Variants in RAP1GAP observed in about 807,000 individuals in gnomAD.
RAP1GAP encodes the protein rap1 GTPase-activating protein 1.
In RAP1GAP, 35 loss-of-function variants were observed where a neutral mutation model predicts 87.2. That is an observed-to-expected ratio of 0.40 (90% CI 0.31 to 0.53). The LOEUF (loss-of-function observed/expected upper bound fraction) is 0.53, where lower values mean the gene tolerates loss of function less well. Ranked by LOEUF, RAP1GAP falls within the 20% of genes least tolerant of loss-of-function variation. The probability of loss-of-function intolerance (pLI) is 0.48; values close to 1 mark genes in which losing one functional copy is unlikely to be tolerated. For synonymous variants in RAP1GAP, 375 were observed against 363.9 expected (o/e 1.03, Z -0.35); for missense variants, 734 against 898.9 (o/e 0.82, Z 2.35).
intron 1 of RAP1GAP, among the ~76,000 whole-genome samples, chr1:21,666,816 G>A (rs1174261166): frequency 1.3e-5 from 2 of 152,116 alleles, no homozygotes; most frequent in East Asian, 1.9e-4. Flanking sequence ...CTGCATGCGC[G>A]TGTACCATGT....
chr1:21,606,182 G>T lies in RAP1GAP; in HGVS notation c.1312C>A (p.Arg438Ser). 6.3e-7 allele frequency: 1 copy of T among 1,583,006 alleles called. No individual in the cohort carries two copies. The highest frequency in any genetic ancestry group is 8.6e-7 in the Non-Finnish European group (1 of 1,165,376). ...CCCATGGCATCCATGGACTGGCTGC[G>T]GCTCCGGATGACCCGCTGTGAAGGG... The part of the protein sequence containing the change: ...FESFKRVIRS[R>S]SQSMDAMGLS... Residue 438 changes from arginine (R) to serine (S), a missense_variant, in exon 18 of 25, where the codon CGC becomes AGC. Physicochemically the swap from Arg to Ser is moderately radical, Grantham distance 110. Coordinates refer to ENST00000374765, the MANE Select transcript of RAP1GAP (RefSeq NM_002885.4).
rs758714557 is a variant in RAP1GAP at position 21,603,114 on chromosome 1, C to T, written c.1429-201G>A. 30 of 564,650 alleles carry T rather than the reference C, an allele frequency of 5.3e-5. No individual in the cohort carries two copies. Among genetic ancestry groups the T allele is most frequent in the South Asian group, 4.9e-4 (22 of 45,134 alleles). 35.0% of individuals were successfully genotyped at this position (564,650 alleles called of 1,614,324 possible). On this transcript the variant is annotated intron_variant, in intron 18 of 24. Coordinates refer to ENST00000374765, the MANE Select transcript of RAP1GAP (RefSeq NM_002885.4). The surrounding 1 kb of genome is among the most constrained non-coding windows in gnomAD (Gnocchi z 6.0). ...TCCCCAGGAGGGCAAGGGGCTCTCC[C>T]GAGCTCACACGGCAGGACTGCACGT...
At chr1:21,612,725 C>A (rs1054214009) in intron 10 of RAP1GAP, among the ~76,000 whole-genome samples, 1 of 152,330 alleles carries the variant, frequency 6.6e-6, no homozygotes, top group Middle Eastern at 3.4e-3. Context: ...GGCAGAAGCC[C>A]GTGCCCCTAT....
rs1353575855 is a variant in RAP1GAP, at chr1:21,598,451, T to A, written c.1828A>T (p.Ser610Cys). The A allele has an allele frequency of 1.9e-6, 3 of 1,613,788 alleles. No homozygotes were observed. The highest frequency in any genetic ancestry group is 1.3e-5 in the African/African-American group (1 of 74,866). Residue 610 changes from serine (S) to cysteine (C), a missense_variant, in exon 22 of 25, where the codon AGC becomes TGC. Transcript: ENST00000374765. ...CTGACACTGTCCTCCAGCCACGTGC[T>A]ATAGATGAAGGAGTCCCGCTTGTGG... The part of the protein sequence containing the change: ...TPHKRDSFIY[S>C]TWLEDSVSTT...
At chr1:21,636,034 A>G (rs143965093) in intron 2 of RAP1GAP, among the ~76,000 whole-genome samples, 55 of 152,358 alleles carry the variant, frequency 3.6e-4, no homozygotes, top group African/African-American at 1.2e-3. Context: ...TCTGAGCCTC[A>G]GTTTCCTCAG....
At chr1:21,625,339 TA>T (rs1325526481) in intron 3 of RAP1GAP, among the ~76,000 whole-genome samples, 6 of 152,190 alleles carry the variant, frequency 3.9e-5, no homozygotes, top group African/African-American at 1.4e-4. Context: ...CTCAACTAGA[TA>T]ATGCCTACTA....
Position 21,663,902 on chromosome 1 carries a change from G to A in RAP1GAP, c.-149+5352C>T, listed in dbSNP as rs181580997. The stretch of plus-strand genomic sequence containing the variant: ...CAGGGGAGTCTGAGGAACAGGTACT[G>A]TAGTTTCAAGAAATACTGCAATTCC... On this transcript the variant is annotated intron_variant, in intron 1 of 24. Transcript: ENST00000374765. Among the ~76,000 whole-genome samples the A allele has an allele frequency of 1.6e-3, 250 of 152,334 alleles. 1 individual carries two copies. The highest frequency in any genetic ancestry group is 5.7e-3 in the African/African-American group (236 of 41,570).
intron 21 of RAP1GAP, among the ~76,000 whole-genome samples, chr1:21,598,973 T>C (rs1308445193): frequency 6.6e-6 from 1 of 152,224 alleles, no homozygotes; most frequent in Non-Finnish European, 1.5e-5. Context: ...TGATAAAGGG[T>C]GTTCCGGGCA....
Position 21,669,155 on chromosome 1 carries a change from G to C in RAP1GAP, c.-149+99C>G. On this transcript the variant is annotated intron_variant, in intron 1 of 24. Coordinates refer to ENST00000374765, the MANE Select transcript of RAP1GAP (RefSeq NM_002885.4). The surrounding 1 kb of genome is among the most constrained non-coding windows in gnomAD (Gnocchi z 5.6). ...GCGTTCGCCCCCACCCTCCGTCCCC[G>C]CCCGCCCGCGCGGGGTCTTCGCTGC... is the stretch of plus-strand genomic sequence containing the variant. The C allele has an allele frequency of 8.5e-7, 1 of 1,170,426 alleles. No homozygotes were observed. Among genetic ancestry groups the C allele is most frequent in the Non-Finnish European group, 1.1e-6 (1 of 930,230 alleles). The allele number at this position is 1,170,426 out of a possible 1,614,324, so 72.5% of individuals were successfully genotyped here.
chr1:21,597,876 C>G, intron 23 of RAP1GAP, 85 bp downstream of exon 23: 4 of 1,496,856 alleles, frequency 2.7e-6, no homozygotes, highest in South Asian at 2.5e-5. Flanking sequence ...ACCTCTTGGT[C>G]GAGCCTCAGC....
rs2080206509 is a variant in RAP1GAP at position 21,613,976 on chromosome 1, C to T, written c.395+10G>A. The T allele has an allele frequency of 6.3e-7, 1 of 1,583,110 alleles. No individual in the cohort carries two copies. Among genetic ancestry groups the T allele is most frequent in the Non-Finnish European group, 8.7e-7 (1 of 1,155,378 alleles). ...TTCCTGCCATCTCAGGACTCCCCCA[C>T]CACCCTCACCTGAGCAGCAGCCGCA... is the stretch of plus-strand genomic sequence containing the variant. On this transcript the variant is annotated intron_variant, in intron 8 of 24. Coordinates refer to ENST00000374765, the MANE Select transcript of RAP1GAP (RefSeq NM_002885.4). This position sits in a 1 kb window ranked among gnomAD's most constrained non-coding sequence, Gnocchi z 4.7.
chr1:21,643,873 G>T (rs1388533954), intron 2 of RAP1GAP, among the ~76,000 whole-genome samples: 1 of 152,188 alleles, frequency 6.6e-6, no homozygotes, highest in Non-Finnish European at 1.5e-5. Flanking sequence ...TTGAACTCAG[G>T]TCTACCTAAC....
chr1:21,669,132 G>T lies in RAP1GAP; in HGVS notation c.-149+122C>A. On this transcript the variant is annotated intron_variant, in intron 1 of 24. Transcript: ENST00000374765. The surrounding 1 kb of genome is among the most constrained non-coding windows in gnomAD (Gnocchi z 5.6). Reference sequence around the variant, plus strand: ...CCCTGGAGACCCGGGTCCCCCACGCGTTCGCCCCCACCCTCCGTCCCCGCC... The same window carrying T: ...CCCTGGAGACCCGGGTCCCCCACGCTTTCGCCCCCACCCTCCGTCCCCGCC... 1 of 1,081,834 alleles carries T rather than the reference G, an allele frequency of 9.2e-7. No individual in the cohort carries two copies. Among genetic ancestry groups the T allele is most frequent in the Non-Finnish European group, 1.2e-6 (1 of 861,400 alleles). 67.0% of individuals were successfully genotyped at this position (1,081,834 alleles called of 1,614,324 possible).
At chr1:21,612,592 T>A (rs2079087128) in intron 10 of RAP1GAP, among the ~76,000 whole-genome samples, 1 of 152,130 alleles carries the variant, frequency 6.6e-6, no homozygotes, top group Admixed American at 6.5e-5. Context: ...GGGCCCTGAT[T>A]TCTGAAGCCC....
rs550807596 is a variant in RAP1GAP, at chr1:21,611,533, A to G, written c.762T>C (p.Ser254=). 4.6e-5 allele frequency: 75 copies of G among 1,614,170 alleles called. No homozygotes were observed. Among genetic ancestry groups the G allele is most frequent in the Admixed American group, 2.3e-4 (14 of 60,030 alleles). ...DVTHGQTGTE[S]VYCNFRNKEI... ...CCTTGTTGCGGAAGTTGCAGTACAC[A>G]GATTCGGTCCCCGTCTGCCCGTGGG... is the stretch of plus-strand genomic sequence containing the variant. The change falls in exon 13 of 25, where the codon TCT becomes TCC. Residue 254 remains serine (S), a synonymous_variant. Transcript: ENST00000374765.
chr1:21,641,509 C>T (rs2095521160), intron 2 of RAP1GAP, among the ~76,000 whole-genome samples: 1 of 152,222 alleles, frequency 6.6e-6, no homozygotes, highest in South Asian at 2.1e-4. Flanking sequence ...TCTGAAGCTA[C>T]CTTAGCTGTC....
intron 1 of RAP1GAP, among the ~76,000 whole-genome samples, chr1:21,658,129 G>A (rs565226221): frequency 2.0e-5 from 3 of 152,182 alleles, no homozygotes; most frequent in Admixed American, 2.0e-4. Flanking sequence ...AAAAAGCCCG[G>A]GTAACCCATC....
In RAP1GAP at chr1:21,613,371, T is replaced by C; in HGVS notation, c.475-142A>G. ...TAAAGCAGGACTCGGGGTTCACTGT[T>C]GCTCAGGGAACGGAGGTCCCCTGAG... On this transcript the variant is annotated intron_variant, in intron 9 of 24. Transcript: ENST00000374765. This position sits in a 1 kb window ranked among gnomAD's most constrained non-coding sequence, Gnocchi z 4.7. 1.2e-6 allele frequency: 1 copy of C among 836,128 alleles called. No individual in the cohort carries two copies. Among genetic ancestry groups the C allele is most frequent in the Non-Finnish European group, 2.0e-6 (1 of 500,340 alleles). The allele number at this position is 836,128 out of a possible 1,614,324, so 51.8% of individuals were successfully genotyped here.
Position 21,611,810 on chromosome 1 carries a change from C to T in RAP1GAP, c.619G>A (p.Glu207Lys). The part of the protein sequence containing the change: ...VIYQKLGQTS[E>K]EELFSTNEES... ...TCATTGGTGCTGAAGAGTTCTTCCT[C>T]GGAGGTCTGGGGATGAGGGGCCAAG... is the stretch of plus-strand genomic sequence containing the variant. Residue 207 changes from glutamate (E) to lysine (K), a missense_variant, in exon 12 of 25, where the codon GAG (glutamate) becomes AAG (lysine). Physicochemically the swap from Glu to Lys is moderately conservative, Grantham distance 56. This residue lies in a region of RAP1GAP where 485 missense variants were observed against 646.2 expected (regional missense o/e 0.75). Coordinates refer to ENST00000374765, the MANE Select transcript of RAP1GAP (RefSeq NM_002885.4). The T allele has an allele frequency of 1.2e-6, 2 of 1,612,638 alleles. No homozygotes were observed. Among genetic ancestry groups the T allele is most frequent in the Non-Finnish European group, 1.7e-6 (2 of 1,178,622 alleles).
Sources: gnomAD v4.1 joint callset for allele counts (sites outside exome capture counted in the v4.1 genomes callset) on GRCh38, gnomAD v4.1.1 for gene constraint, gnomAD v4.1.1 regional missense constraint, Gnocchi (gnomAD v3.1) non-coding constraint, MANE v1.5 for transcripts, NCBI Gene and HGNC (gene_info 2026-07-23, HGNC 2026-07-21) for gene names.